Variants in ADCY6 observed in about 807,000 individuals in gnomAD.
ADCY6 encodes the protein adenylate cyclase type 6.
ADCY6 carries 59 observed loss-of-function variants against 111.6 expected under a neutral mutation model. The observed-to-expected ratio is 0.53, with a 90% CI of 0.43 to 0.66. The LOEUF (loss-of-function observed/expected upper bound fraction) is 0.66. Among genes scored for constraint, ADCY6 ranks in the 30% least tolerant of loss-of-function variants. The pLI, the probability that ADCY6 is intolerant of heterozygous loss-of-function variation, is 0.00. For missense variants in ADCY6, 1,242 were observed against 1,595.6 expected, an observed-to-expected ratio of 0.78 and a Z score of 3.78; for synonymous variants, 576 against 642.9, an observed-to-expected ratio of 0.90 and a Z score of 1.57.
At position 48,774,454 on chromosome 12, in the gene ADCY6, G is replaced by A; in HGVS notation, c.2231C>T (p.Ala744Val). Residue 744 changes from alanine to valine, a missense_variant, in exon 14 of 22, where the codon GCA (alanine) becomes GTA (valine). By Grantham distance (64) the Ala-to-Val change is moderately conservative. Coordinates refer to ENST00000357869, the MANE Select transcript of ADCY6 (RefSeq NM_015270.5). ...AAGCAGGACGGAAAAGATGCCAACT[G>A]CGGTGCTATGTGCCCGTGAGCGGAC... ...SIVRSRAHSTAVGIFSVLLVF... is the reference protein window; with the variant it reads ...SIVRSRAHSTVVGIFSVLLVF... 2 of 1,614,026 alleles carry A rather than the reference G, an allele frequency of 1.2e-6. No individual in the cohort carries two copies. The highest frequency in any genetic ancestry group is 2.2e-5 in the South Asian group (2 of 91,074).
In ADCY6 at chr12:48,770,758, C is replaced by T; in HGVS notation, c.3256+8G>A. On this transcript the variant is annotated splice_region_variant and intron_variant, in intron 20 of 21. Coordinates refer to ENST00000357869, the MANE Select transcript of ADCY6 (RefSeq NM_015270.5). Reference sequence around the variant, plus strand: ...GGGAAAACCCGCCAAGCAACAAAGCCCTCTTACCAATCTTCATCTGGAAAT... The same window carrying T: ...GGGAAAACCCGCCAAGCAACAAAGCTCTCTTACCAATCTTCATCTGGAAAT... 6.2e-7 allele frequency: 1 copy of T among 1,613,386 alleles called. No homozygotes were observed. The highest frequency in any genetic ancestry group is 1.3e-5 in the African/African-American group (1 of 75,034).
chr12:48,780,070 G>T (rs1243186758), intron 2 of ADCY6, among the ~76,000 whole-genome samples: 1 of 152,166 alleles, frequency 6.6e-6, no homozygotes, highest in Non-Finnish European at 1.5e-5. Context: ...AGCCCCCAGT[G>T]GGGGAGAAGG....
rs543371611 is a variant in ADCY6 at position 48,777,935 on chromosome 12, G to A, written c.1014+173C>T. Among the ~76,000 whole-genome samples the A allele has an allele frequency of 2.0e-5, 3 of 152,104 alleles. No individual in the cohort carries two copies. The highest frequency in any genetic ancestry group is 4.4e-5 in the Non-Finnish European group (3 of 67,984). ...AGCCCCCAGATGTGCTCCTGTCTAC[G>A]CCCTCCTTCCCTTGGACAGGACAAA... On this transcript the variant is annotated intron_variant, in intron 3 of 21. Transcript: ENST00000357869. This position sits in a 1 kb window ranked among gnomAD's most constrained non-coding sequence, Gnocchi z 4.9.
intron 2 of ADCY6, among the ~76,000 whole-genome samples, chr12:48,781,067 G>A (rs772482839): frequency 1.7e-4 from 26 of 152,000 alleles, no homozygotes; most frequent in South Asian, 4.2e-4. Flanking sequence ...GCATGGTGGC[G>A]CGCTCCTGTA....
At position 48,771,845 on chromosome 12, in the gene ADCY6, A is replaced by G; in HGVS notation, c.2916T>C (p.Tyr972=). Residue 972 remains tyrosine (Y), a synonymous_variant, in exon 19 of 22, where the codon TAT becomes TAC. Transcript: ENST00000357869. The surrounding 1 kb of genome is among the most constrained non-coding windows in gnomAD (Gnocchi z 4.3). ...ARERRNDELY[Y]QSCECVAVMF... is the part of the protein sequence containing the mutation. The stretch of plus-strand genomic sequence containing the variant: ...TAACAGCCACACACTCACACGACTG[A>G]TAGTAGAGTTCATCATTGCGGCGCT... The G allele has an allele frequency of 1.2e-6, 2 of 1,614,192 alleles. No individual in the cohort carries two copies. Among genetic ancestry groups the G allele is most frequent in the South Asian group, 1.1e-5 (1 of 91,084 alleles).
In ADCY6 at chr12:48,789,020, C is replaced by CCCGCCGTCCGCCGT. The variant is rs1031839849; in HGVS notation, c.-133_-120dup. The CCCGCCGTCCGCCGT allele has an allele frequency of 1.3e-4, 20 of 148,910 alleles. No individual in the cohort carries two copies. The highest frequency in any genetic ancestry group is 7.3e-4 in the Admixed American group (11 of 14,998). 9.2% of individuals were successfully genotyped at this position (148,910 alleles called of 1,614,324 possible). A position where few individuals can be genotyped will look rare whatever the true frequency, so the allele number is the denominator to read the frequency against. On this transcript the variant is annotated 5_prime_UTR_variant, in exon 1 of 22. Transcript: ENST00000357869. ...GAGCCCGCGCGTCCTGGCCGTCCCG[C>CCCGCCGTCCGCCGT]CCGCCGTCCGCCGTCCGCCGTCCGC...
At position 48,778,177 on chromosome 12, in the gene ADCY6, G is replaced by T; in HGVS notation, c.945C>A (p.Arg315=). Residue 315 remains arginine (R), a synonymous_variant, in exon 3 of 22, where the codon CGC becomes CGA. Transcript: ENST00000357869. Reference sequence around the variant, plus strand: ...AACCGCGGGTCTCCTGAAAGGCCTGGCGCTGAGACACCTCTGCTGGATAGT... The same window carrying T: ...AACCGCGGGTCTCCTGAAAGGCCTGTCGCTGAGACACCTCTGCTGGATAGT... ...CTHYPAEVSQ[R]QAFQETRGYI... 2 of 1,614,120 alleles carry T rather than the reference G, an allele frequency of 1.2e-6. No homozygotes were observed. The highest frequency in any genetic ancestry group is 1.7e-6 in the Non-Finnish European group (2 of 1,180,028).
upstream of ADCY6, chr12:48,789,915 C>G (rs1942054234): frequency 1.3e-5 from 2 of 152,238 alleles, no homozygotes; most frequent in South Asian, 4.1e-4. Context: ...GGCTGTGCTT[C>G]TCTGCTGGGG....
chr12:48,786,952 A>G (rs1485381897), intron 1 of ADCY6, among the ~76,000 whole-genome samples: 1 of 152,276 alleles, frequency 6.6e-6, no homozygotes, highest in African/African-American at 2.4e-5. Context: ...ATGCCTGTCA[A>G]GAAGTACACA....
chr12:48,778,872 A>ATTT lies in ADCY6; in HGVS notation c.865-618_865-616dup, dbSNP rs1037254707. 2.1e-3 allele frequency among the ~76,000 whole-genome samples: 150 copies of ATTT among 72,424 alleles called. 20 individuals carry two copies. The highest frequency in any genetic ancestry group is 3.3e-3 in the African/African-American group (56 of 16,732). The allele number at this position is 72,424 out of a possible 152,430, so 47.5% of individuals were successfully genotyped here. A position where few individuals can be genotyped will look rare whatever the true frequency, so the allele number is the denominator to read the frequency against. On this transcript the variant is annotated intron_variant, in intron 2 of 21. Transcript: ENST00000357869. Reference sequence around the variant, plus strand: ...GTGTCTTCTATACACTGAATAACACATTTTTTTTTTTTTTTTTTTTTTTTT... The same window carrying ATTT: ...GTGTCTTCTATACACTGAATAACACATTTTTTTTTTTTTTTTTTTTTTTTTTTT...
rs1941429503 is a variant in ADCY6 at position 48,768,315 on chromosome 12, C to A, written c.*276G>T. 7.8e-6 allele frequency: 4 copies of A among 515,266 alleles called. No individual in the cohort carries two copies. The allele number at this position is 515,266 out of a possible 1,614,324, so 31.9% of individuals were successfully genotyped here. A position where few individuals can be genotyped will look rare whatever the true frequency, so the allele number is the denominator to read the frequency against. On this transcript the variant is annotated 3_prime_UTR_variant, in exon 22 of 22. Transcript: ENST00000357869. ...CCTCCCTCTGCTTCTGCTACTGACC[C>A]CTCCCCTGCTCCCAAAGGCTGGAAG...
chr12:48,769,775 T>G lies in ADCY6; in HGVS notation c.3257-714A>C, dbSNP rs750029241. On this transcript the variant is annotated intron_variant, in intron 20 of 21. Transcript: ENST00000357869. ...CTAATTTTTGTTTTTTTTTTTTTTT[T>G]GGGGGGGACAGAGTCTCGCTCTGTC... Among the ~76,000 whole-genome samples, 216 of 147,944 alleles carry G rather than the reference T, an allele frequency of 1.5e-3. 1 individual carries two copies. Among genetic ancestry groups the G allele is most frequent in the African/African-American group, 3.0e-3 (121 of 39,814 alleles).
Position 48,782,654 on chromosome 12 carries a change from C to G in ADCY6, c.781G>C (p.Val261Leu). ...TLLPIRMRAA[V>L]LSGLGLSTLH... Reference sequence around the variant, plus strand: ...GTGGAGAGGCCCAGGCCGCTGAGGACGGCAGCCCGCATGCGGATGGGGAGG... The same window carrying G: ...GTGGAGAGGCCCAGGCCGCTGAGGAGGGCAGCCCGCATGCGGATGGGGAGG... Residue 261 changes from valine (V) to leucine (L), a missense_variant, in exon 2 of 22, where the codon GTC (valine) becomes CTC (leucine). Val to Leu is a conservative substitution (Grantham distance 32). Transcript: ENST00000357869. The surrounding 1 kb of genome is among the most constrained non-coding windows in gnomAD (Gnocchi z 4.3). The G allele has an allele frequency of 6.2e-7, 1 of 1,603,150 alleles. No homozygotes were observed. Among genetic ancestry groups the G allele is most frequent in the Non-Finnish European group, 8.5e-7 (1 of 1,174,190 alleles).
rs181298542 is a variant in ADCY6 at position 48,777,309 on chromosome 12, C to A, written c.1249-78G>T. 4.4e-6 allele frequency: 7 copies of A among 1,593,984 alleles called. No individual in the cohort carries two copies. The Admixed American group carries it at 6.7e-5, about 15-fold the overall frequency. Reference sequence around the variant, plus strand: ...AGCCTGCATGGCCCACCACCCTCCACGCATACTCTATCTGCCCTCAAATCC... The same window carrying A: ...AGCCTGCATGGCCCACCACCCTCCAAGCATACTCTATCTGCCCTCAAATCC... On this transcript the variant is annotated intron_variant, in intron 5 of 21. Coordinates refer to ENST00000357869, the MANE Select transcript of ADCY6 (RefSeq NM_015270.5). This position sits in a 1 kb window ranked among gnomAD's most constrained non-coding sequence, Gnocchi z 4.9.
At position 48,775,362 on chromosome 12, in the gene ADCY6, G is replaced by A. The variant is rs754255254; in HGVS notation, c.1921C>T (p.Arg641Trp). The stretch of plus-strand genomic sequence containing the variant: ...AGAAACCGGCGCACATGGTCCTTCC[G>A]CAGCTGATCAATGCTGCGGGCATCG... ...AIDARSIDQL[R>W]KDHVRRFLLT... The change falls in exon 11 of 22, where the codon CGG (arginine) becomes TGG (tryptophan). Residue 641 changes from arginine (R) to tryptophan (W), a missense_variant. Around this residue, in one of 4 missense-constraint regions of ADCY6, gnomAD observed 375 missense variants for 432.5 expected, o/e 0.87. Coordinates refer to ENST00000357869, the MANE Select transcript of ADCY6 (RefSeq NM_015270.5). The A allele has an allele frequency of 4.3e-6, 7 of 1,613,966 alleles. No individual in the cohort carries two copies. In the East Asian group the frequency reaches 6.7e-5, roughly 15 times the overall value.
Position 48,783,297 on chromosome 12 carries a change from G to A in ADCY6, c.138C>T (p.Cys46=), listed in dbSNP as rs1298578381. 6.2e-6 allele frequency: 10 copies of A among 1,613,074 alleles called. No homozygotes were observed. The highest frequency in any genetic ancestry group is 2.7e-5 in the African/African-American group (2 of 74,938). The change falls in exon 2 of 22, where the codon TGC becomes TGT. Residue 46 remains cysteine (C), a synonymous_variant. Coordinates refer to ENST00000357869, the MANE Select transcript of ADCY6 (RefSeq NM_015270.5). ...GGCTGGGTGGCTCTGCATCCCGGAG[G>A]CAGCTCATATAGCGGGGCGTGCAGA... ...GGFCTPRYMS[C]LRDAEPPSPT... is the part of the protein sequence containing the mutation.
chr12:48,782,487 C>CTA lies in ADCY6; in HGVS notation c.864+83_864+84insTA. On this transcript the variant is annotated intron_variant, in intron 2 of 21. Transcript: ENST00000357869. The surrounding 1 kb of genome is among the most constrained non-coding windows in gnomAD (Gnocchi z 4.3). ...CAGCTTCCACCCATGACTCACCCGC[C>CTA]CTTCCTCACTAAGCCCCCACCTGCT... The CTA allele has an allele frequency of 1.3e-6, 2 of 1,502,732 alleles. No homozygotes were observed. Among genetic ancestry groups the CTA allele is most frequent in the Non-Finnish European group, 1.8e-6 (2 of 1,124,778 alleles). The allele number at this position is 1,502,732 out of a possible 1,614,324, so 93.1% of individuals were successfully genotyped here.
chr12:48,768,975 TAG>T lies in ADCY6; in HGVS notation c.3341_3342del (p.Ser1114Ter). 6.2e-7 allele frequency: 1 copy of T among 1,614,062 alleles called. No individual in the cohort carries two copies. Among genetic ancestry groups the T allele is most frequent in the African/African-American group, 1.3e-5 (1 of 75,044 alleles). On this transcript the variant is annotated frameshift_variant, in exon 21 of 22. Transcript: ENST00000357869. LOFTEE classifies it high-confidence loss of function. ...YDIWGNTVNV[S>X]SRMDSTGVPD... ...GGGACCCCCGTGCTGTCCATACGACTAGAGACATTCACTGTGTTCCCCCAGAT... is the reference window on the plus strand; with the variant it reads ...GGGACCCCCGTGCTGTCCATACGACTAGACATTCACTGTGTTCCCCCAGAT...
rs578121356 is a variant in ADCY6 at position 48,771,567 on chromosome 12, C to A, written c.3051+143G>T. ...ACACCTTCATGGGTTCTTGCCTCTG[C>A]CTCCACTGTGCATACCCTTACCCCT... is the stretch of plus-strand genomic sequence containing the variant. On this transcript the variant is annotated intron_variant, in intron 19 of 21. Transcript: ENST00000357869. This position sits in a 1 kb window ranked among gnomAD's most constrained non-coding sequence, Gnocchi z 4.3. The A allele has an allele frequency of 8.1e-6, 11 of 1,359,394 alleles. No individual in the cohort carries two copies. In the African/African-American group the frequency reaches 1.4e-4, roughly 18 times the overall value. The allele number at this position is 1,359,394 out of a possible 1,614,324, so 84.2% of individuals were successfully genotyped here. A position where few individuals can be genotyped will look rare whatever the true frequency, so the allele number is the denominator to read the frequency against.
Sources: gnomAD v4.1 joint callset for allele counts (sites outside exome capture counted in the v4.1 genomes callset) on GRCh38, gnomAD v4.1.1 for gene constraint, gnomAD v4.1.1 regional missense constraint, Gnocchi (gnomAD v3.1) non-coding constraint, MANE v1.5 for transcripts, NCBI Gene and HGNC (gene_info 2026-07-23, HGNC 2026-07-21) for gene names.